Variants in CHD2 observed in about 807,000 individuals in gnomAD.
CHD2 encodes the protein chromodomain helicase DNA binding protein 2.
CHD2 carries 28 observed loss-of-function variants against 243.9 expected under a neutral mutation model. The ratio of observed to expected loss-of-function variants is 0.11; its 90% confidence interval spans 0.09 to 0.16. The LOEUF is 0.16. Ranked by LOEUF, CHD2 falls within the 10% of genes least tolerant of loss-of-function variation. The pLI is 1.00. For missense variants in CHD2, 1,386 were observed against 2,209.8 expected (o/e 0.63, Z 7.47); for synonymous variants, 775 against 779.0 (o/e 0.99, Z 0.09).
intron 2 of CHD2, among the ~76,000 whole-genome samples, chr15:92,912,604 G>A (rs989127624): frequency 1.3e-5 from 2 of 152,218 alleles, no homozygotes; most frequent in Non-Finnish European, 2.9e-5. Flanking sequence ...CTCGATCTTG[G>A]CTCACTGCAG....
intron 34 of CHD2, among the ~76,000 whole-genome samples, chr15:93,008,474 G>A (rs774056141): frequency 1.8e-4 from 28 of 152,170 alleles, no homozygotes; most frequent in Admixed American, 1.3e-4. Flanking sequence ...ACACCTCGCC[G>A]TTGGGGGAAT....
At chr15:92,980,686 TC>T (rs2053968283) in intron 22 of CHD2, 128 bp from the exon 23 acceptor site, 1 of 643,454 alleles carries the variant, frequency 1.6e-6, no homozygotes, top group Non-Finnish European at 2.7e-6. Context: ...GTTTGAGAAA[TC>T]ATTTTTCTTG....
intron 13 of CHD2, chr15:92,949,357 T>A: frequency 5.4e-6 from 3 of 557,154 alleles, no homozygotes; most frequent in Non-Finnish European, 5.2e-6. Context: ...ATGTTACTCA[T>A]GAGTGTATAT....
At chr15:92,934,891 C>T (rs1053734827) in intron 5 of CHD2, among the ~76,000 whole-genome samples, 1 of 152,176 alleles carries the variant, frequency 6.6e-6, no homozygotes, top group African/African-American at 2.4e-5. Context: ...TTCTTTGGTC[C>T]TCAGTGAGTT....
intron 2 of CHD2, among the ~76,000 whole-genome samples, chr15:92,904,159 C>T (rs181462608): frequency 1.1e-4 from 17 of 152,360 alleles, no homozygotes; most frequent in Admixed American, 9.1e-4. Flanking sequence ...GCTCTTTGAG[C>T]CCCTGGCATC....
chr15:92,967,179 T>C (rs2053776446), intron 16 of CHD2, 146 bp from the exon 17 acceptor site: 2 of 587,782 alleles, frequency 3.4e-6, no homozygotes, highest in East Asian at 2.9e-5. Flanking sequence ...ATTTTACTTT[T>C]CCCCTTTTTG....
At chr15:92,974,407 A>G (rs374047526) in intron 19 of CHD2, among the ~76,000 whole-genome samples, 2 of 152,204 alleles carry the variant, frequency 1.3e-5, no homozygotes, top group East Asian at 3.8e-4. Flanking sequence ...TGTTTTTCAA[A>G]CAAAATTATT....
In CHD2 at chr15:92,978,336, G is replaced by T; in HGVS notation, c.2680G>T (p.Asp894Tyr). The change falls in exon 21 of 39, where the codon GAC becomes TAC. Residue 894 changes from aspartate to tyrosine, a missense_variant. Asp to Tyr is a radical substitution (Grantham distance 160). Coordinates refer to ENST00000394196, the MANE Select transcript of CHD2 (RefSeq NM_001271.4). Reference sequence around the variant, plus strand: ...TGACTCTGACTGGAACCCCCAGAATGACTTGCAGGCACAAGCCCGAGCGCA... The same window carrying T: ...TGACTCTGACTGGAACCCCCAGAATTACTTGCAGGCACAAGCCCGAGCGCA... ...IFDSDWNPQN[D>Y]LQAQARAHRI... 1 of 1,614,054 alleles carries T rather than the reference G, an allele frequency of 6.2e-7. No homozygotes were observed. The highest frequency in any genetic ancestry group is 1.1e-5 in the South Asian group (1 of 91,060).
chr15:92,945,947 T>G, intron 11 of CHD2, 82 bp downstream of exon 11: 1 of 1,460,264 alleles, frequency 6.8e-7, no homozygotes, highest in Non-Finnish European at 9.4e-7. Context: ...TTTTGCCACA[T>G]GATGTTTTAT....
intron 6 of CHD2, among the ~76,000 whole-genome samples, chr15:92,938,292 G>A (rs576941654): frequency 5.5e-4 from 83 of 152,278 alleles, no homozygotes; most frequent in African/African-American, 1.8e-3. Context: ...TAAGTGAAAT[G>A]TTATCCCCTC....
At chr15:92,980,222 CTT>C (rs55979414) in intron 22 of CHD2, among the ~76,000 whole-genome samples, 91,249 of 124,660 alleles carry the variant, frequency 0.73, 34,143 homozygotes, top group East Asian at 0.9. Flanking sequence ...TTTTTTTTTT[CTT>C]TTTTTTTTTT....
intron 2 of CHD2, among the ~76,000 whole-genome samples, chr15:92,918,890 C>T (rs1034429393): frequency 2.0e-5 from 3 of 151,704 alleles, no homozygotes; most frequent in Admixed American, 1.3e-4. Context: ...CAGAGTTTTG[C>T]TGTTGATGCT....
intron 17 of CHD2, among the ~76,000 whole-genome samples, chr15:92,971,320 CAG>C (rs1299614701): frequency 6.6e-6 from 1 of 152,190 alleles, no homozygotes; most frequent in Admixed American, 6.5e-5. Flanking sequence ...TACTGGCACT[CAG>C]AAAGTTTTGA....
intron 16 of CHD2, among the ~76,000 whole-genome samples, chr15:92,966,578 G>C (rs1475828192): frequency 1.2e-4 from 18 of 152,170 alleles, no homozygotes; most frequent in Admixed American, 1.1e-3. Context: ...GCCATACCGG[G>C]TGTTACTAAG....
intron 2 of CHD2, chr15:92,904,576 C>G: frequency 1.9e-6 from 2 of 1,028,016 alleles, no homozygotes; most frequent in Non-Finnish European, 2.3e-6. Flanking sequence ...CTTGTCCGCC[C>G]TTGCCTGTAG....
In CHD2 at chr15:92,956,721, T is replaced by G. The variant is rs2053620881; in HGVS notation, c.2000+72T>G. The G allele has an allele frequency of 2.1e-6, 3 of 1,421,922 alleles. No homozygotes were observed. The South Asian group carries it at 4.1e-5, about 19-fold the overall frequency. 88.1% of individuals were successfully genotyped at this position (1,421,922 alleles called of 1,614,324 possible). A position where few individuals can be genotyped will look rare whatever the true frequency, so the allele number is the denominator to read the frequency against. Reference sequence around the variant, plus strand: ...TGCCAATGCTTTTTAACTTTCTTAGTAGACCTTAGGGAAAACAGATGGCAT... The same window carrying G: ...TGCCAATGCTTTTTAACTTTCTTAGGAGACCTTAGGGAAAACAGATGGCAT... On this transcript the variant is annotated intron_variant, in intron 16 of 38. Transcript: ENST00000394196.
intron 18 of CHD2, 38 bp downstream of exon 18, chr15:92,971,965 G>T: frequency 6.3e-7 from 1 of 1,577,288 alleles, no homozygotes; most frequent in Non-Finnish European, 8.6e-7. Context: ...CAAAAAAAAC[G>T]CTTAGTTTCT....
chr15:92,970,931 T>C (rs145138457), intron 17 of CHD2, among the ~76,000 whole-genome samples: 132 of 152,334 alleles, frequency 8.7e-4, no homozygotes, highest in Non-Finnish European at 1.7e-3. Context: ...TTAAGGAATA[T>C]ACATGGGTAT....
chr15:92,913,066 C>T (rs1228330500), intron 2 of CHD2, among the ~76,000 whole-genome samples: 3 of 152,178 alleles, frequency 2.0e-5, no homozygotes, highest in Non-Finnish European at 2.9e-5. Context: ...CTAAAAATCA[C>T]CTGGGGTGCT....
Sources: allele counts gnomAD v4.1 joint callset (sites outside exome capture counted in the v4.1 genomes callset), GRCh38; gene constraint gnomAD v4.1.1; transcripts MANE v1.5; gene names NCBI Gene and HGNC (gene_info 2026-07-23, HGNC 2026-07-21).